The following GOLM2 variants were observed in gnomAD, a reference collection of about 807,000 sequenced individuals.
GOLM2 encodes protein GOLM2.
A neutral mutation model predicts 55.9 loss-of-function variants in GOLM2; 26 were observed. The ratio of observed to expected loss-of-function variants is 0.47; its 90% CI spans 0.34 to 0.65. GOLM2 has a LOEUF of 0.65. Among genes scored for constraint, GOLM2 ranks in the 30% least tolerant of loss-of-function variants. The pLI is 0.01. For missense variants in GOLM2, 486 were observed against 531.8 expected, an observed-to-expected ratio of 0.91 and a Z score of 0.85; for synonymous variants, 165 against 194.6, an observed-to-expected ratio of 0.85 and a Z score of 1.27.
At chr15:44,361,211 A>T (rs887630330) in intron 6 of GOLM2, among the ~76,000 whole-genome samples, 3 of 152,106 alleles carry the variant, frequency 2.0e-5, no homozygotes, top group African/African-American at 4.8e-5. Flanking sequence ...ATCAGAGCAG[A>T]ACTGAAGGAA....
chr15:44,371,499 A>C (rs1346080862), intron 6 of GOLM2, among the ~76,000 whole-genome samples: 3 of 152,218 alleles, frequency 2.0e-5, no homozygotes, highest in African/African-American at 4.8e-5. Flanking sequence ...CCTATATTTC[A>C]TGGAGGGCTG....
At chr15:44,330,982 T>C (rs1462325549) in intron 3 of GOLM2, among the ~76,000 whole-genome samples, 2 of 152,162 alleles carry the variant, frequency 1.3e-5, no homozygotes, top group African/African-American at 4.8e-5. Flanking sequence ...TATATACATA[T>C]AGGAAGTTGG....
rs1459928628 is a variant in GOLM2 at position 44,289,303 on chromosome 15, A to G, written c.274A>G (p.Ser92Gly). ...GAAGGAGGCCGACTACGGCCGCCTC[A>G]GCAGCCGGCTGCAGGCCAGAGAGGG... ...DQKEADYGRL[S>G]SRLQAREGLG... is the part of the protein sequence containing the mutation. Residue 92 changes from serine to glycine, a missense_variant, in exon 1 of 10, where the codon AGC becomes GGC. Ser to Gly is a moderately conservative substitution (Grantham distance 56). Coordinates refer to ENST00000299957, the MANE Select transcript of GOLM2 (RefSeq NM_138423.4). The surrounding 1 kb of genome is among the most constrained non-coding windows in gnomAD (Gnocchi z 4.8). The G allele has an allele frequency of 6.2e-7, 1 of 1,613,694 alleles. No individual in the cohort carries two copies. Among genetic ancestry groups the G allele is most frequent in the Non-Finnish European group, 8.5e-7 (1 of 1,179,858 alleles).
At chr15:44,312,705 G>A (rs2078882383) in intron 1 of GOLM2, among the ~76,000 whole-genome samples, 1 of 152,072 alleles carries the variant, frequency 6.6e-6, no homozygotes, top group Non-Finnish European at 1.5e-5. Flanking sequence ...CAGCACTTTG[G>A]GAGGCCAAAG....
At chr15:44,326,377 C>T (rs1447819518) in intron 2 of GOLM2, among the ~76,000 whole-genome samples, 1 of 151,124 alleles carries the variant, frequency 6.6e-6, no homozygotes, top group Non-Finnish European at 1.5e-5. Context: ...GATTATTATA[C>T]AATAGTTATT....
At chr15:44,403,780 C>A (rs1212941218) in intron 9 of GOLM2, among the ~76,000 whole-genome samples, 1 of 152,048 alleles carries the variant, frequency 6.6e-6, no homozygotes, top group Non-Finnish European at 1.5e-5. Flanking sequence ...TAAGGAAAGC[C>A]ACAAAGGGAA....
intron 4 of GOLM2, among the ~76,000 whole-genome samples, chr15:44,335,476 T>G (rs1182329566): frequency 6.6e-6 from 1 of 152,188 alleles, no homozygotes; most frequent in East Asian, 1.9e-4. Context: ...GAACAGTAGC[T>G]TGTTGACTTT....
chr15:44,404,359 G>C (rs2079584269), intron 9 of GOLM2, among the ~76,000 whole-genome samples: 2 of 152,038 alleles, frequency 1.3e-5, no homozygotes, highest in African/African-American at 4.8e-5. Context: ...CTTTTACCTA[G>C]GCACTGTTTT....
chr15:44,323,371 A>G lies in GOLM2; in HGVS notation c.382+352A>G, dbSNP rs374748648. 5.3e-5 allele frequency among the ~76,000 whole-genome samples: 8 copies of G among 152,178 alleles called. No individual in the cohort carries two copies. In the South Asian group the frequency reaches 8.3e-4, roughly 16 times the overall value. ...AAGTGTTCCCTCTGTACTGTGTCCA[A>G]TCTGCTAAATTAATTCATTCAGGTC... On this transcript the variant is annotated intron_variant, in intron 2 of 9. Coordinates refer to ENST00000299957, the MANE Select transcript of GOLM2 (RefSeq NM_138423.4).
At chr15:44,349,337 A>AAAAAGAGC (rs934230716) in intron 6 of GOLM2, among the ~76,000 whole-genome samples, 1 of 152,102 alleles carries the variant, frequency 6.6e-6, no homozygotes, top group African/African-American at 2.4e-5. Flanking sequence ...AGAAACCAAA[A>AAAAAGAGC]AAAAGAGCAG....
chr15:44,310,450 CTCTCTA>C (rs1259016963), intron 1 of GOLM2, among the ~76,000 whole-genome samples: 3 of 136,968 alleles, frequency 2.2e-5, no homozygotes, highest in Non-Finnish European at 4.6e-5. Flanking sequence ...CTCTCTCTCT[CTCTCTA>C]TATATATATA....
At chr15:44,303,239 G>A (rs2078811992) in intron 1 of GOLM2, among the ~76,000 whole-genome samples, 1 of 151,982 alleles carries the variant, frequency 6.6e-6, no homozygotes, top group Non-Finnish European at 1.5e-5. Context: ...AATTTGTATT[G>A]CTTCTTGAAC....
intron 6 of GOLM2, among the ~76,000 whole-genome samples, chr15:44,379,040 C>T (rs553975286): frequency 5.3e-5 from 8 of 152,256 alleles, no homozygotes; most frequent in African/African-American, 1.9e-4. Flanking sequence ...CCACTGCGCC[C>T]AGTCCATTTT....
chr15:44,363,260 C>G (rs190297169), intron 6 of GOLM2, among the ~76,000 whole-genome samples: 2 of 152,010 alleles, frequency 1.3e-5, no homozygotes, highest in Admixed American at 1.3e-4. Flanking sequence ...ACAGGCAACC[C>G]ACAAAATGGG....
intron 8 of GOLM2, among the ~76,000 whole-genome samples, chr15:44,398,034 A>T (rs1229077254): frequency 6.6e-6 from 1 of 152,208 alleles, no homozygotes; most frequent in Non-Finnish European, 1.5e-5. Context: ...ACCTAAATAG[A>T]TACTGGAGAT....
intron 8 of GOLM2, among the ~76,000 whole-genome samples, chr15:44,391,213 C>T (rs910252272): frequency 6.6e-6 from 1 of 151,938 alleles, no homozygotes; most frequent in Non-Finnish European, 1.5e-5. Flanking sequence ...TTTGAAAAGG[C>T]AAGTGAAATT....
intron 3 of GOLM2, among the ~76,000 whole-genome samples, chr15:44,329,952 C>T (rs1595629220): frequency 1.3e-5 from 2 of 148,502 alleles, no homozygotes; most frequent in East Asian, 2.0e-4. Flanking sequence ...GCTCTGTCGC[C>T]CAGGCTGGAA....
At chr15:44,323,746 T>C (rs941963811) in intron 2 of GOLM2, among the ~76,000 whole-genome samples, 1 of 152,190 alleles carries the variant, frequency 6.6e-6, no homozygotes, top group Non-Finnish European at 1.5e-5. Flanking sequence ...ACATGCTCTC[T>C]AGCTTCAAAA....
chr15:44,359,603 A>G (rs1595646945), intron 6 of GOLM2, among the ~76,000 whole-genome samples: 1 of 152,156 alleles, frequency 6.6e-6, no homozygotes, highest in Non-Finnish European at 1.5e-5. Flanking sequence ...CAAACAAACA[A>G]ACAAACAAAC....
Sources: allele counts gnomAD v4.1 joint callset (sites outside exome capture counted in the v4.1 genomes callset), GRCh38; gene constraint gnomAD v4.1.1; non-coding constraint Gnocchi (gnomAD v3.1); transcripts MANE v1.5; gene names NCBI Gene and HGNC (gene_info 2026-07-23, HGNC 2026-07-21).